The following ARL17B variants were observed in gnomAD, a reference collection of about 807,000 sequenced individuals.
The protein encoded by ARL17B is ADP-ribosylation factor-like protein 17.
chr17:46,282,517 T>A (rs2049796447), intron 4 of ARL17B, among the ~76,000 whole-genome samples: 1 of 149,146 alleles, frequency 6.7e-6, no homozygotes, highest in Non-Finnish European at 1.5e-5. Context: ...TGTACTCAAG[T>A]GATTCTCCTG....
chr17:46,274,540 G>T (rs188794166), downstream of ARL17B, among the ~76,000 whole-genome samples: 1 of 152,182 alleles, frequency 6.6e-6, no homozygotes, highest in African/African-American at 2.4e-5. Context: ...GTACTTTTAC[G>T]TACAGGAATC....
Position 46,300,210 on chromosome 17 carries a change from C to A in ARL17B, c.260-545G>T, listed in dbSNP as rs1195150585. ...CTCACTGCAGCCTTCACCTCCCAGG[C>A]CCAAGTGATCCTCTCACCTCAGCCT... On this transcript the variant is annotated intron_variant, in intron 3 of 4. Transcript: ENST00000434041. Among the ~76,000 whole-genome samples, 2 of 35,182 alleles carry A rather than the reference C, an allele frequency of 5.7e-5. 1 individual carries two copies. Among genetic ancestry groups the A allele is most frequent in the Admixed American group, 6.6e-4 (2 of 3,052 alleles). 23.1% of individuals were successfully genotyped at this position (35,182 alleles called of 152,430 possible).
At chr17:46,276,314 T>C (rs1176631323) in intron 4 of ARL17B, among the ~76,000 whole-genome samples, 1 of 152,264 alleles carries the variant, frequency 6.6e-6, no homozygotes, top group African/African-American at 2.4e-5. Flanking sequence ...TCCAATAGTT[T>C]ACAATTTTTA....
chr17:46,285,481 T>G (rs1479734447), intron 4 of ARL17B, among the ~76,000 whole-genome samples: 1 of 152,016 alleles, frequency 6.6e-6, no homozygotes, highest in African/African-American at 2.4e-5. Flanking sequence ...ACCTCATGAT[T>G]TGCCCACCTC....
At chr17:46,281,112 T>C (rs2049751450) in intron 4 of ARL17B, among the ~76,000 whole-genome samples, 1 of 151,866 alleles carries the variant, frequency 6.6e-6, no homozygotes, top group Non-Finnish European at 1.5e-5. Flanking sequence ...GTCTGTTTTA[T>C]CTAAAAGTTT....
At position 46,341,020 on chromosome 17, in the gene ARL17B, T is replaced by G. The variant is rs1281444909; in HGVS notation, c.260-1246A>C. Among the ~76,000 whole-genome samples, 38 of 69,010 alleles carry G rather than the reference T, an allele frequency of 5.5e-4. 2 individuals carry two copies. Among genetic ancestry groups the G allele is most frequent in the African/African-American group, 1.9e-3 (38 of 20,366 alleles). 45.3% of individuals were successfully genotyped at this position (69,010 alleles called of 152,430 possible). On this transcript the variant is annotated intron_variant, in intron 3 of 3. Transcript: ENST00000450673. ...TCTCTCAACGTACTGGGATTACAGG[T>G]GGGAGTCCCCGCGCCCGGCAAAGCC...
At position 46,324,870 on chromosome 17, in the gene ARL17B, G is replaced by T. The variant is rs1467604106; in HGVS notation, c.260-25205C>A. Among the ~76,000 whole-genome samples, 3 of 75,308 alleles carry T rather than the reference G, an allele frequency of 4.0e-5. 1 individual carries two copies. Among genetic ancestry groups the T allele is most frequent in the African/African-American group, 1.0e-4 (3 of 29,608 alleles). 49.4% of individuals were successfully genotyped at this position (75,308 alleles called of 152,430 possible). ...TATATATATTTATATATATGTACGT[G>T]TATATATGTATATGTATGCCTGCAG... On this transcript the variant is annotated intron_variant, in intron 3 of 4. Transcript: ENST00000434041.
intron 3 of ARL17B, among the ~76,000 whole-genome samples, chr17:46,316,054 G>T: frequency 1.1e-4 from 1 of 9,120 alleles, no homozygotes; most frequent in Non-Finnish European, 2.8e-4. Flanking sequence ...CTCCTGAGTA[G>T]CTGGGACTGC....
chr17:46,288,238 C>T lies in ARL17B; in HGVS notation c.*21+11288G>A, dbSNP rs553570969. ...CCCCCTGCAGCCTGGACCTCCCAGG[C>T]TCACATGATCCTCCCACCTCAGCCT... On this transcript the variant is annotated intron_variant, in intron 4 of 4. Coordinates refer to the ARL17B transcript ENST00000570618. Among the ~76,000 whole-genome samples the T allele has an allele frequency of 2.6e-5, 4 of 151,972 alleles. No homozygotes were observed. The East Asian group carries it at 7.8e-4, about 29-fold the overall frequency.
chr17:46,287,553 T>C (rs1333782540), intron 4 of ARL17B, among the ~76,000 whole-genome samples: 20 of 152,264 alleles, frequency 1.3e-4, no homozygotes, highest in Non-Finnish European at 5.9e-5. Context: ...AGCAATTCAA[T>C]CTCTACCAGG....
chr17:46,282,910 G>A (rs1253425253), intron 4 of ARL17B, among the ~76,000 whole-genome samples: 1 of 152,184 alleles, frequency 6.6e-6, no homozygotes, highest in Non-Finnish European at 1.5e-5. Context: ...CCTGAGGTCA[G>A]GAGTTTGAGA....
At chr17:46,284,424 CAT>C (rs1156734398) in intron 4 of ARL17B, among the ~76,000 whole-genome samples, 1 of 152,246 alleles carries the variant, frequency 6.6e-6, no homozygotes, top group African/African-American at 2.4e-5. Context: ...TGACACAGCA[CAT>C]GTCTCAGAGA....
In ARL17B at chr17:46,278,961, C is replaced by A. The variant is rs878879410; in HGVS notation, c.*22-3543G>T. Reference sequence around the variant, plus strand: ...TACAGGTGCCTGCCACCACGCCTAGCTAATTTTTGTATTTTTAGTACAGAT... The same window carrying A: ...TACAGGTGCCTGCCACCACGCCTAGATAATTTTTGTATTTTTAGTACAGAT... On this transcript the variant is annotated intron_variant, in intron 4 of 4. Transcript: ENST00000570618. 1.3e-4 allele frequency among the ~76,000 whole-genome samples: 19 copies of A among 151,932 alleles called. 1 individual carries two copies. The highest frequency in any genetic ancestry group is 1.2e-3 in the Admixed American group (19 of 15,246).
chr17:46,277,514 A>G (rs549884927), intron 4 of ARL17B, among the ~76,000 whole-genome samples: 19 of 152,364 alleles, frequency 1.2e-4, no homozygotes, highest in Admixed American at 7.8e-4. Context: ...ATCAAAAAGC[A>G]TAGAGGGGCT....
chr17:46,308,043 A>T (rs184103005), intron 3 of ARL17B, among the ~76,000 whole-genome samples: 2,217 of 73,086 alleles, frequency 0.03, 644 homozygotes, highest in African/African-American at 0.075. Flanking sequence ...AATAATAATC[A>T]TCATCATCAT....
chr17:46,276,748 G>A (rs2049596146), intron 4 of ARL17B, among the ~76,000 whole-genome samples: 1 of 148,932 alleles, frequency 6.7e-6, no homozygotes, highest in Admixed American at 6.7e-5. Context: ...ACAGCAAGTT[G>A]TCTTTATACA....
Position 46,292,945 on chromosome 17 carries a change from CTTTTTTT to C in ARL17B, c.*21+6574_*21+6580del, listed in dbSNP as rs57946759. ...CCCTATATAGGTATACCATTTTTAT[CTTTTTTT>C]TTTTTTTTTTTTTTTTTTTGAGATG... On this transcript the variant is annotated intron_variant, in intron 4 of 4. Transcript: ENST00000570618. 8.1e-4 allele frequency: 7 copies of C among 8,654 alleles called. No individual in the cohort carries two copies. In the East Asian group the frequency reaches 0.016, roughly 20 times the overall value. 0.5% of individuals were successfully genotyped at this position (8,654 alleles called of 1,614,324 possible).
chr17:46,282,286 G>A (rs1424490845), intron 4 of ARL17B, among the ~76,000 whole-genome samples: 3 of 151,666 alleles, frequency 2.0e-5, no homozygotes, highest in Non-Finnish European at 2.9e-5. Flanking sequence ...GTTATTTTTA[G>A]TAGAGACGGG....
At chr17:46,278,761 G>T (rs2049671131) in intron 4 of ARL17B, among the ~76,000 whole-genome samples, 1 of 151,968 alleles carries the variant, frequency 6.6e-6, no homozygotes, top group South Asian at 2.1e-4. Flanking sequence ...TTTGTCTGTA[G>T]GCTGATTCTA....
Sources: allele counts gnomAD v4.1 joint callset (sites outside exome capture counted in the v4.1 genomes callset), GRCh38; gene constraint gnomAD v4.1.1; transcripts MANE v1.5; gene names NCBI Gene and HGNC (gene_info 2026-07-23, HGNC 2026-07-21).